The following TSPEAR variants were observed in gnomAD, a reference collection of about 807,000 sequenced individuals.
TSPEAR encodes the protein thrombospondin-type laminin G domain and EAR repeat-containing protein.
A neutral mutation model predicts 71.6 loss-of-function variants in TSPEAR; 69 were observed. That is an observed-to-expected ratio of 0.96 (90% CI 0.79 to 1.18). The LOEUF (loss-of-function observed/expected upper bound fraction) is 1.18, where lower values mean the gene tolerates loss of function less well. TSPEAR is among the 50% of genes most tolerant of loss of function. The pLI is 0.00. For synonymous variants in TSPEAR, 402 were observed against 387.2 expected (o/e 1.04, Z -0.45); for missense variants, 971 against 894.9 (o/e 1.09, Z -1.09).
At chr21:44,575,508 C>G (rs969189047) in intron 1 of TSPEAR, 3 of 167,754 alleles carry the variant, frequency 1.8e-5, no homozygotes, top group African/African-American at 7.2e-5. Context: ...GGGGTCCAGG[C>G]TAGACGGACA....
At chr21:44,680,472 A>G (rs1424754274) in intron 1 of TSPEAR, among the ~76,000 whole-genome samples, 1 of 152,208 alleles carries the variant, frequency 6.6e-6, no homozygotes, top group Admixed American at 6.5e-5. Flanking sequence ...AGCCATTATC[A>G]AAAACGGTAT....
chr21:44,643,705 TCACACACATACA>T (rs1435175137), intron 1 of TSPEAR, among the ~76,000 whole-genome samples: 1 of 152,002 alleles, frequency 6.6e-6, no homozygotes, highest in African/African-American at 2.4e-5. Flanking sequence ...ACACACACAT[TCACACACATACA>T]CACACACATA....
At chr21:44,553,733 C>A (rs587628440) in intron 2 of TSPEAR, among the ~76,000 whole-genome samples, 1 of 152,172 alleles carries the variant, frequency 6.6e-6, no homozygotes, top group African/African-American at 2.4e-5. Flanking sequence ...CCTAGACATG[C>A]ATTGACGAGT....
At chr21:44,559,062 G>T (rs9983585) in intron 2 of TSPEAR, among the ~76,000 whole-genome samples, 34 of 152,146 alleles carry the variant, frequency 2.2e-4, no homozygotes, top group African/African-American at 8.0e-4. Flanking sequence ...GACAGTGGCA[G>T]TTAGGAGATA....
At chr21:44,646,755 C>T (rs782533305) in intron 1 of TSPEAR, 4 of 1,613,890 alleles carry the variant, frequency 2.5e-6, no homozygotes, top group African/African-American at 1.3e-5. Context: ...AGCAGGCCTG[C>T]TGTGTGCCTG....
In TSPEAR at chr21:44,612,877, C is replaced by G; in HGVS notation, c.83-44872G>C. ...GCCCCGCGTGCTCCCGCCTGGCCTG[C>G]TGAGGCCTCTGCTCAGGCCAGGAGT... On this transcript the variant is annotated intron_variant, in intron 1 of 11. Coordinates refer to ENST00000323084, the MANE Select transcript of TSPEAR (RefSeq NM_144991.3). This position sits in a 1 kb window ranked among gnomAD's most constrained non-coding sequence, Gnocchi z 4.1. 1 of 1,611,062 alleles carries G rather than the reference C, an allele frequency of 6.2e-7. No homozygotes were observed. The highest frequency in any genetic ancestry group is 8.5e-7 in the Non-Finnish European group (1 of 1,179,626).
chr21:44,694,420 A>G (rs1412486642), intron 1 of TSPEAR, among the ~76,000 whole-genome samples: 6 of 152,160 alleles, frequency 3.9e-5, no homozygotes, highest in African/African-American at 1.4e-4. Context: ...GGAGAAGGAA[A>G]TGGGGAGTGA....
At chr21:44,544,102 A>G (rs1341327940) in intron 2 of TSPEAR, among the ~76,000 whole-genome samples, 2 of 152,214 alleles carry the variant, frequency 1.3e-5, no homozygotes, top group African/African-American at 4.8e-5. Flanking sequence ...ACACAGCTGT[A>G]TAGGGAGAGT....
intron 1 of TSPEAR, among the ~76,000 whole-genome samples, chr21:44,572,042 G>T (rs587733499): frequency 2.6e-5 from 4 of 152,192 alleles, no homozygotes; most frequent in Non-Finnish European, 1.5e-5. Context: ...GGGAAACGGC[G>T]GCACCGCGAG....
chr21:44,640,265 G>A (rs150713720), intron 1 of TSPEAR, among the ~76,000 whole-genome samples: 4 of 152,358 alleles, frequency 2.6e-5, no homozygotes, highest in Non-Finnish European at 5.9e-5. Context: ...CAACATGCAT[G>A]AGCCTTGAAA....
intron 1 of TSPEAR, among the ~76,000 whole-genome samples, chr21:44,615,309 G>A (rs1299632022): frequency 6.6e-6 from 1 of 152,376 alleles, no homozygotes; most frequent in Admixed American, 6.5e-5. Flanking sequence ...ACACACGCAG[G>A]AGCGCGAGTG....
intron 2 of TSPEAR, chr21:44,539,428 C>A (rs782369036): frequency 1.2e-6 from 2 of 1,602,676 alleles, no homozygotes; most frequent in Non-Finnish European, 8.5e-7. Context: ...AGCAGGCGGG[C>A]CGGCATACAG....
At chr21:44,662,209 A>G (rs1555943810) in intron 1 of TSPEAR, among the ~76,000 whole-genome samples, 1 of 152,348 alleles carries the variant, frequency 6.6e-6, no homozygotes, top group Admixed American at 6.5e-5. Context: ...TAATTGGATT[A>G]AATAATTCAG....
chr21:44,711,466 C>CG lies in TSPEAR; in HGVS notation c.48dup (p.Gly17ArgfsTer26), dbSNP rs1253114701. 11 of 1,611,152 alleles carry CG rather than the reference C, an allele frequency of 6.8e-6. No homozygotes were observed. The highest frequency in any genetic ancestry group is 9.3e-6 in the Non-Finnish European group (11 of 1,179,162). On this transcript the variant is annotated frameshift_variant, in exon 1 of 12. Transcript: ENST00000323084. LOFTEE classifies it high-confidence loss of function. This position sits in a 1 kb window ranked among gnomAD's most constrained non-coding sequence, Gnocchi z 4.5. Reference sequence around the variant, plus strand: ...GGCTCCCAACCCTGCGTGCCGTGGCCGGGGGCCGCCAGGGGCAGCACAAAA... The same window carrying CG: ...GGCTCCCAACCCTGCGTGCCGTGGCCGGGGGGCCGCCAGGGGCAGCACAAAA...
intron 1 of TSPEAR, among the ~76,000 whole-genome samples, chr21:44,648,622 A>G (rs1276661982): frequency 1.3e-5 from 2 of 152,212 alleles, no homozygotes; most frequent in Non-Finnish European, 2.9e-5. Flanking sequence ...CCTAAGGCAC[A>G]GGGGAGTCGG....
At chr21:44,518,000 TTCTG>T (rs1395483136) in intron 9 of TSPEAR, among the ~76,000 whole-genome samples, 4 of 152,262 alleles carry the variant, frequency 2.6e-5, no homozygotes, top group Admixed American at 6.5e-5. Context: ...CCTGGTTTGA[TTCTG>T]TCTCTTTTCA....
chr21:44,669,896 C>T (rs1221011181), intron 1 of TSPEAR, among the ~76,000 whole-genome samples: 2 of 152,142 alleles, frequency 1.3e-5, no homozygotes, highest in African/African-American at 4.8e-5. Context: ...AACAGGCCTG[C>T]CCATCTACTG....
In TSPEAR at chr21:44,676,795, A is replaced by T. The variant is rs143613099; in HGVS notation, c.82+34638T>A. On this transcript the variant is annotated intron_variant, in intron 1 of 11. Coordinates refer to ENST00000323084, the MANE Select transcript of TSPEAR (RefSeq NM_144991.3). Reference sequence around the variant, plus strand: ...TCCATGATGTTCTAATGCTTTTGCTACTACAGAGTCAAATGCCCACTTTTC... The same window carrying T: ...TCCATGATGTTCTAATGCTTTTGCTTCTACAGAGTCAAATGCCCACTTTTC... 5,621 of 902,242 alleles carry T rather than the reference A, an allele frequency of 6.2e-3. 54 individuals are homozygous for T. The highest frequency in any genetic ancestry group is 6.1e-3 in the Non-Finnish European group (3,218 of 531,368). 55.9% of individuals were successfully genotyped at this position (902,242 alleles called of 1,614,324 possible). A position where few individuals can be genotyped will look rare whatever the true frequency, so the allele number is the denominator to read the frequency against.
At chr21:44,609,398 A>G (rs1555930433) in intron 1 of TSPEAR, among the ~76,000 whole-genome samples, 1 of 152,238 alleles carries the variant, frequency 6.6e-6, no homozygotes, top group Admixed American at 6.5e-5. Flanking sequence ...AAGTTACTGG[A>G]GGATGTGCTC....
Sources: allele counts gnomAD v4.1 joint callset (sites outside exome capture counted in the v4.1 genomes callset), GRCh38; gene constraint gnomAD v4.1.1; non-coding constraint Gnocchi (gnomAD v3.1); transcripts MANE v1.5; gene names NCBI Gene and HGNC (gene_info 2026-07-23, HGNC 2026-07-21).